Variants in SP140 observed in about 807,000 individuals in gnomAD.
SP140 encodes the protein nuclear body protein SP140.
Under a neutral mutation model 125.0 loss-of-function variants are expected in SP140, and 81 were observed. The ratio of observed to expected loss-of-function variants is 0.65; its 90% CI spans 0.54 to 0.78. SP140 has a LOEUF of 0.78. Ranked by LOEUF, SP140 falls within the 30% of genes least tolerant of loss-of-function variation. SP140 has a pLI of 0.00. For synonymous variants in SP140, 312 were observed against 354.0 expected, an observed-to-expected ratio of 0.88 and a Z score of 1.33; for missense variants, 858 against 1,037.0, an observed-to-expected ratio of 0.83 and a Z score of 2.37.
At chr2:230,307,084 C>T (rs915062985) in intron 22 of SP140, among the ~76,000 whole-genome samples, 4 of 152,178 alleles carry the variant, frequency 2.6e-5, no homozygotes, top group African/African-American at 4.8e-5. Context: ...GGACAACCAG[C>T]AGCAGAGAAG....
chr2:230,234,350 C>A (rs1187901260), intron 1 of SP140, among the ~76,000 whole-genome samples: 1 of 152,128 alleles, frequency 6.6e-6, no homozygotes, highest in Non-Finnish European at 1.5e-5. Flanking sequence ...CAGAGTGATA[C>A]CCATTGCTCC....
rs908504562 is a variant in SP140 at position 230,237,428 on chromosome 2, T to C, written c.237+168T>C. ...GCATCACAGAAAACCTCCCTTCTTC[T>C]GTAGTAAATGTTGGGGGAGGGCCAC... On this transcript the variant is annotated intron_variant, in intron 2 of 26. Transcript: ENST00000392045. This position sits in a 1 kb window ranked among gnomAD's most constrained non-coding sequence, Gnocchi z 5.4. 9 of 583,812 alleles carry C rather than the reference T, an allele frequency of 1.5e-5. No homozygotes were observed. Among genetic ancestry groups the C allele is most frequent in the Non-Finnish European group, 2.4e-5 (8 of 339,672 alleles). The allele number at this position is 583,812 out of a possible 1,614,324, so 36.2% of individuals were successfully genotyped here.
intron 12 of SP140, among the ~76,000 whole-genome samples, chr2:230,268,985 C>T (rs910145208): frequency 1.4e-4 from 21 of 152,174 alleles, no homozygotes; most frequent in African/African-American, 5.1e-4. Context: ...AAGACACAGT[C>T]TCTATAGAAA....
At chr2:230,248,351 G>C (rs960902645) in intron 8 of SP140, among the ~76,000 whole-genome samples, 4 of 152,180 alleles carry the variant, frequency 2.6e-5, no homozygotes, top group Non-Finnish European at 4.4e-5. Context: ...ACTGGGTGAT[G>C]GTTGTGCAAG....
intron 15 of SP140, among the ~76,000 whole-genome samples, chr2:230,282,378 C>T (rs578254409): frequency 1.9e-4 from 29 of 152,164 alleles, no homozygotes; most frequent in Non-Finnish European, 3.2e-4. Flanking sequence ...GGAGAATGGC[C>T]TCCCAGCAAA....
intron 1 of SP140, among the ~76,000 whole-genome samples, chr2:230,212,022 T>C (rs2044538081): frequency 6.6e-6 from 1 of 152,230 alleles, no homozygotes; most frequent in Admixed American, 6.5e-5. Flanking sequence ...CTAGTAATTT[T>C]GATAACATTG....
chr2:230,230,868 C>A (rs970289596), intron 1 of SP140, among the ~76,000 whole-genome samples: 1 of 152,196 alleles, frequency 6.6e-6, no homozygotes. Context: ...TTCTCCTTCT[C>A]GTATTCCAAT....
chr2:230,219,022 C>G (rs865887083), intron 3 of SP140, among the ~76,000 whole-genome samples: 1 of 152,074 alleles, frequency 6.6e-6, no homozygotes, highest in South Asian at 2.1e-4. Context: ...GTCAGGAGTT[C>G]GAGACCAGCC....
intron 9 of SP140, among the ~76,000 whole-genome samples, chr2:230,250,298 A>G (rs34839676): frequency 0.29 from 44,760 of 152,030 alleles, 6,708 homozygotes; most frequent in Middle Eastern, 0.35. Context: ...GATTAGATGA[A>G]TTATCCTTCC....
rs150227099 is a variant in SP140 at position 230,290,493 on chromosome 2, T to A, written c.1754T>A (p.Phe585Tyr). Residue 585 changes from phenylalanine to tyrosine, a missense_variant, in exon 19 of 27, where the codon TTT becomes TAT. Physicochemically the swap from Phe to Tyr is conservative, Grantham distance 22 (BLOSUM62 3). Transcript: ENST00000392045. ...AAGCACAAAGATGAAACTGTGGATTTTAAGGCTCCTTTGCTTCCAGTGACC... is the reference window on the plus strand; with the variant it reads ...AAGCACAAAGATGAAACTGTGGATTATAAGGCTCCTTTGCTTCCAGTGACC... ...SRKHKDETVD[F>Y]KAPLLPVTCG... The A allele has an allele frequency of 5.6e-6, 9 of 1,613,826 alleles. No homozygotes were observed. In the African/African-American group the frequency reaches 9.3e-5, roughly 17 times the overall value.
intron 22 of SP140, among the ~76,000 whole-genome samples, chr2:230,305,761 C>G (rs552203135): frequency 1.3e-5 from 2 of 152,350 alleles, no homozygotes; most frequent in East Asian, 3.9e-4. Context: ...GCCAGCAATG[C>G]GGCCCCTGCA....
intron 1 of SP140, chr2:230,209,904 C>T (rs200011354): frequency 7.3e-7 from 1 of 1,373,884 alleles, no homozygotes; most frequent in East Asian, 2.3e-5. Context: ...ACCCTTCTGA[C>T]CTCTACAGAA....
chr2:230,243,301 A>C (rs1417568322), intron 4 of SP140, among the ~76,000 whole-genome samples: 1 of 152,220 alleles, frequency 6.6e-6, no homozygotes, highest in Non-Finnish European at 1.5e-5. Context: ...TCTTTAGAGA[A>C]AGCTAGAAAG....
In SP140 at chr2:230,237,257, T is replaced by C; in HGVS notation, c.234T>C (p.Tyr78=). Reference sequence around the variant, plus strand: ...GCTCCTTCATCTCCGAGCAGATGTATGAAGTAAGTAAGAATTTCCAAATGA... The same window carrying C: ...GCTCCTTCATCTCCGAGCAGATGTACGAAGTAAGTAAGAATTTCCAAATGA... ...RDRSFISEQM[Y]EHFQEAFRNL... The change falls in exon 2 of 27, where the codon TAT becomes TAC. Residue 78 remains tyrosine, a synonymous_variant. Transcript: ENST00000392045. The surrounding 1 kb of genome is among the most constrained non-coding windows in gnomAD (Gnocchi z 5.4). The C allele has an allele frequency of 6.2e-7, 1 of 1,609,198 alleles. No homozygotes were observed. The highest frequency in any genetic ancestry group is 8.5e-7 in the Non-Finnish European group (1 of 1,178,604).
intron 15 of SP140, among the ~76,000 whole-genome samples, chr2:230,278,220 C>T (rs2149398132): frequency 6.6e-6 from 1 of 152,132 alleles, no homozygotes. Context: ...AGTTACAATT[C>T]TCTCATGATT....
chr2:230,202,382 C>T (rs59536070), upstream of SP140, among the ~76,000 whole-genome samples: 19,150 of 152,140 alleles, frequency 0.13, 1,366 homozygotes, highest in South Asian at 0.27. Context: ...CCTGTGAACA[C>T]GTCTGTTTCT....
upstream of SP140, chr2:230,221,731 A>G: frequency 6.5e-7 from 1 of 1,536,084 alleles, no homozygotes; most frequent in Non-Finnish European, 8.7e-7. Context: ...TCACCTGGAA[A>G]GCCCCTTCAT....
At chr2:230,212,938 G>A (rs1284533852) in intron 1 of SP140, 3 of 1,613,948 alleles carry the variant, frequency 1.9e-6, no homozygotes, top group Admixed American at 1.7e-5. Flanking sequence ...AGCGCCAGTG[G>A]GGTATGGAGG....
chr2:230,230,713 A>G (rs2047117834), intron 1 of SP140, among the ~76,000 whole-genome samples: 1 of 152,196 alleles, frequency 6.6e-6, no homozygotes, highest in Non-Finnish European at 1.5e-5. Context: ...GGTGGTTTCA[A>G]TATGTCTAAG....
Sources: gnomAD v4.1 joint callset for allele counts (sites outside exome capture counted in the v4.1 genomes callset) on GRCh38, gnomAD v4.1.1 for gene constraint, Gnocchi (gnomAD v3.1) non-coding constraint, MANE v1.5 for transcripts, NCBI Gene and HGNC (gene_info 2026-07-23, HGNC 2026-07-21) for gene names.